Variants in BICRA observed in about 807,000 individuals in gnomAD.
The protein encoded by BICRA is BRD4 interacting chromatin remodeling complex associated protein, also known as BRD4-interacting chromatin-remodeling complex-associated protein.
A neutral mutation model predicts 96.9 loss-of-function variants in BICRA; 31 were observed. The observed-to-expected ratio is 0.32, with a 90% CI of 0.24 to 0.43. The LOEUF is 0.43. BICRA is among the 20% of genes least tolerant of loss of function. The pLI, the probability that BICRA is intolerant of heterozygous loss-of-function variation, is 1.00. For missense variants in BICRA, 2,283 were observed against 2,190.3 expected, an observed-to-expected ratio of 1.04 and a Z score of -0.84; for synonymous variants, 1,350 against 1,071.8, an observed-to-expected ratio of 1.26 and a Z score of -5.07.
At chr19:47,688,845 CAG>C (rs1973197861) in intron 7 of BICRA, among the ~76,000 whole-genome samples, 3 of 151,914 alleles carry the variant, frequency 2.0e-5, no homozygotes. Flanking sequence ...GTTTTTGAGA[CAG>C]AGTCTCTCTC....
In BICRA at chr19:47,694,202, C is replaced by T; in HGVS notation, c.2371C>T (p.Leu791=). 2.2e-6 allele frequency: 3 copies of T among 1,381,438 alleles called. No individual in the cohort carries two copies. Among genetic ancestry groups the T allele is most frequent in the Admixed American group, 2.4e-5 (1 of 42,376 alleles). 85.6% of individuals were successfully genotyped at this position (1,381,438 alleles called of 1,614,324 possible). Residue 791 remains leucine, a synonymous_variant, in exon 8 of 15, where the codon CTG becomes TTG. Transcript: ENST00000594866. ...HQAPLGDSPH[L]PSPHPTRPPS... ...GGCCCCTCTGGGGGACAGCCCCCACCTGCCCTCCCCACACCCCACCCGGCC... is the reference window on the plus strand; with the variant it reads ...GGCCCCTCTGGGGGACAGCCCCCACTTGCCCTCCCCACACCCCACCCGGCC...
intron 1 of BICRA, among the ~76,000 whole-genome samples, chr19:47,634,727 CTCAACTCTCT>C (rs1972273046): frequency 6.6e-6 from 1 of 151,538 alleles, no homozygotes; most frequent in African/African-American, 2.4e-5. Context: ...TGGTGCCATC[CTCAACTCTCT>C]TCTCTCTCTT....
Position 47,681,999 on chromosome 19 carries a change from C to G in BICRA, c.2130C>G (p.Ser710=), listed in dbSNP as rs575946170. The G allele has an allele frequency of 5.1e-6, 8 of 1,569,980 alleles. No homozygotes were observed. The South Asian group carries it at 8.1e-5, about 16-fold the overall frequency. ...AGGAGAGGAGCCAGCAGCCCCTCTC[C>G]GCAGAGGGCCCCCACCTCTCCGTGC... ...LPQERSQQPL[S]AEGPHLSVPA... The change falls in exon 7 of 15, where the codon TCC becomes TCG. Residue 710 remains serine (S), a synonymous_variant. Coordinates refer to ENST00000594866, the MANE Select transcript of BICRA (RefSeq NM_001394372.1).
At chr19:47,631,665 G>A (rs901827486) in intron 1 of BICRA, among the ~76,000 whole-genome samples, 12 of 152,004 alleles carry the variant, frequency 7.9e-5, no homozygotes, top group African/African-American at 2.7e-4. Context: ...GCACTCGGCC[G>A]ATTTATGTTT....
At position 47,698,890 on chromosome 19, in the gene BICRA, TGCCCCGCCCTCCTTCCTGCG is replaced by T; in HGVS notation, c.3398-74_3398-55del. The T allele has an allele frequency of 9.5e-6, 13 of 1,365,256 alleles. No homozygotes were observed. The highest frequency in any genetic ancestry group is 1.3e-5 in the Non-Finnish European group (13 of 977,302). The allele number at this position is 1,365,256 out of a possible 1,614,324, so 84.6% of individuals were successfully genotyped here. A position where few individuals can be genotyped will look rare whatever the true frequency, so the allele number is the denominator to read the frequency against. On this transcript the variant is annotated intron_variant, in intron 12 of 14. Transcript: ENST00000594866. This position sits in a 1 kb window ranked among gnomAD's most constrained non-coding sequence, Gnocchi z 4.8. ...GGTCCACGGTGCGCTATGCTGACCC[TGCCCCGCCCTCCTTCCTGCG>T]CATCCGCGGCCGCCCCCAACATCTC...
intron 1 of BICRA, among the ~76,000 whole-genome samples, chr19:47,651,286 C>T (rs563492293): frequency 2.0e-5 from 3 of 152,242 alleles, no homozygotes; most frequent in Admixed American, 2.0e-4. Flanking sequence ...CTCGCCTCTC[C>T]TGCATGCCTA....
intron 1 of BICRA, among the ~76,000 whole-genome samples, chr19:47,623,193 T>C (rs1463562646): frequency 2.0e-5 from 3 of 152,196 alleles, no homozygotes; most frequent in Non-Finnish European, 4.4e-5. Context: ...AGCGACCTCC[T>C]GTGCTGGAGT....
rs141241388 is a variant in BICRA at position 47,611,317 on chromosome 19, C to T, written c.-108+2149C>T. On this transcript the variant is annotated intron_variant, in intron 1 of 14. Transcript: ENST00000594866. ...GGTTTTGAGAAGGGGTAAGATGCAC[C>T]TCGAAGTTGGGCTGAGGGCAGGATC... 6.8e-3 allele frequency among the ~76,000 whole-genome samples: 1,041 copies of T among 152,126 alleles called. 17 individuals carry two copies. The highest frequency in any genetic ancestry group is 0.046 in the Admixed American group (700 of 15,262).
At position 47,693,990 on chromosome 19, in the gene BICRA, G is replaced by A. The variant is rs1599863917; in HGVS notation, c.2284-125G>A. 11 of 1,173,488 alleles carry A rather than the reference G, an allele frequency of 9.4e-6. No homozygotes were observed. The South Asian group carries it at 1.8e-4, about 20-fold the overall frequency. 72.7% of individuals were successfully genotyped at this position (1,173,488 alleles called of 1,614,324 possible). On this transcript the variant is annotated intron_variant, in intron 7 of 14. Transcript: ENST00000594866. The stretch of plus-strand genomic sequence containing the variant: ...CAGCCGTGGTGGGCTCCTCTCTCAG[G>A]ATGGGTGTGGGCTAGGAAGGGGGCT...
Position 47,694,698 on chromosome 19 carries a change from C to T in BICRA, c.2867C>T (p.Pro956Leu), listed in dbSNP as rs1189661679. 3.2e-6 allele frequency: 5 copies of T among 1,571,948 alleles called. No individual in the cohort carries two copies. The highest frequency in any genetic ancestry group is 3.5e-6 in the Non-Finnish European group (4 of 1,150,972). The change falls in exon 8 of 15, where the codon CCG becomes CTG. Residue 956 changes from proline (P) to leucine (L), a missense_variant. Coordinates refer to ENST00000594866, the MANE Select transcript of BICRA (RefSeq NM_001394372.1). ...ACCCCCTTCCCAGCGCTGCCCCAGC[C>T]GAAGGCTCTTCTCGAGAGATTTCAC... is the stretch of plus-strand genomic sequence containing the variant. Reference protein sequence around the residue: ...VTTPFPALPQPKALLERFHQV... With the variant: ...VTTPFPALPQLKALLERFHQV...
At chr19:47,631,838 G>A (rs373868203) in intron 1 of BICRA, among the ~76,000 whole-genome samples, 1 of 150,484 alleles carries the variant, frequency 6.6e-6, no homozygotes, top group African/African-American at 2.4e-5. Context: ...TAGTAGAGAC[G>A]GGGTTTCGCC....
chr19:47,654,583 G>A (rs577863022), intron 1 of BICRA, among the ~76,000 whole-genome samples: 2 of 152,134 alleles, frequency 1.3e-5, no homozygotes, highest in South Asian at 2.1e-4. Context: ...CTGGTTTCAC[G>A]CCATTCTCCT....
intron 1 of BICRA, among the ~76,000 whole-genome samples, chr19:47,666,300 T>C (rs1046816642): frequency 6.6e-6 from 1 of 150,818 alleles, no homozygotes; most frequent in Non-Finnish European, 1.5e-5. Flanking sequence ...TTTTCTTCTT[T>C]TTTTTTTTGA....
chr19:47,620,033 A>T (rs1419401093), intron 1 of BICRA, among the ~76,000 whole-genome samples: 1 of 152,064 alleles, frequency 6.6e-6, no homozygotes, highest in Non-Finnish European at 1.5e-5. Context: ...AATTTCACAG[A>T]GGGGGAGTCC....
chr19:47,656,489 C>T (rs966253177), intron 1 of BICRA, among the ~76,000 whole-genome samples: 18 of 152,148 alleles, frequency 1.2e-4, no homozygotes, highest in African/African-American at 3.9e-4. Flanking sequence ...TGTATTTCCC[C>T]CAGGAGACAT....
chr19:47,680,071 C>G lies in BICRA; in HGVS notation c.901C>G (p.Leu301Val). Residue 301 changes from leucine (L) to valine (V), a missense_variant, in exon 6 of 15, where the codon CTC becomes GTC. Coordinates refer to ENST00000594866, the MANE Select transcript of BICRA (RefSeq NM_001394372.1). Reference sequence around the variant, plus strand: ...CCTCTCGGCCGCTGTGGCCACCACGCTCAATGGGAACTCTGTGTTCGGAGG... The same window carrying G: ...CCTCTCGGCCGCTGTGGCCACCACGGTCAATGGGAACTCTGTGTTCGGAGG... ...KNLSAAVATT[L>V]NGNSVFGGAG... 6.4e-7 allele frequency: 1 copy of G among 1,564,446 alleles called. No individual in the cohort carries two copies. Among genetic ancestry groups the G allele is most frequent in the Non-Finnish European group, 8.6e-7 (1 of 1,165,724 alleles).
rs142958707 is a variant in BICRA, at chr19:47,667,007, G to A, written c.-107-3436G>A. 4.0e-3 allele frequency among the ~76,000 whole-genome samples: 596 copies of A among 150,808 alleles called. 3 individuals carry two copies. The highest frequency in any genetic ancestry group is 0.014 in the African/African-American group (560 of 41,080). ...GTTTCCCTCTCCCCAGGAAGTTCCC[G>A]TTCATGTCTTTTTTCTTTTTTTTTT... On this transcript the variant is annotated intron_variant, in intron 1 of 14. Transcript: ENST00000594866.
chr19:47,676,511 C>T (rs1470723128), intron 5 of BICRA, among the ~76,000 whole-genome samples: 1 of 151,650 alleles, frequency 6.6e-6, no homozygotes, highest in Non-Finnish European at 1.5e-5. Flanking sequence ...TCCTCCTTCT[C>T]CCTCTTCTGT....
intron 5 of BICRA, among the ~76,000 whole-genome samples, chr19:47,676,642 C>T (rs1051142032): frequency 6.8e-6 from 1 of 146,208 alleles, no homozygotes; most frequent in South Asian, 2.2e-4. Context: ...CATCAGAACA[C>T]GCATTCACCA....
Sources: gnomAD v4.1 joint callset for allele counts (sites outside exome capture counted in the v4.1 genomes callset) on GRCh38, gnomAD v4.1.1 for gene constraint, Gnocchi (gnomAD v3.1) non-coding constraint, MANE v1.5 for transcripts, NCBI Gene and HGNC (gene_info 2026-07-23, HGNC 2026-07-21) for gene names.